The following AIG1 variants were observed in gnomAD, a reference collection of about 807,000 sequenced individuals.
The protein encoded by AIG1 is androgen-induced gene 1 protein.
A neutral mutation model predicts 31.4 loss-of-function variants in AIG1; 23 were observed. The observed-to-expected ratio is 0.73, with a 90% CI of 0.53 to 1.04. The LOEUF (loss-of-function observed/expected upper bound fraction) is 1.04, where lower values mean the gene tolerates loss of function less well. Among genes scored for constraint, AIG1 ranks in the 50% least tolerant of loss-of-function variants. The pLI is 0.00. For missense variants in AIG1, 274 were observed against 295.0 expected (o/e 0.93, Z 0.52); for synonymous variants, 100 against 110.5 (o/e 0.90, Z 0.60).
chr6:143,166,484 T>C (rs1196999140), intron 3 of AIG1, among the ~76,000 whole-genome samples: 1 of 152,216 alleles, frequency 6.6e-6, no homozygotes, highest in Non-Finnish European at 1.5e-5. Flanking sequence ...AAGAAGCCAT[T>C]CCTAACTCCC....
intron 3 of AIG1, among the ~76,000 whole-genome samples, chr6:143,235,453 A>G (rs1245835784): frequency 6.6e-6 from 1 of 152,094 alleles, no homozygotes; most frequent in Non-Finnish European, 1.5e-5. Flanking sequence ...GGAAATGTAC[A>G]TATCTACAGG....
At chr6:143,062,040 T>G (rs1010883813) in intron 1 of AIG1, among the ~76,000 whole-genome samples, 6 of 152,194 alleles carry the variant, frequency 3.9e-5, no homozygotes, top group Admixed American at 3.9e-4. Context: ...GAACTGTTTA[T>G]CCAAGACTAT....
At chr6:143,219,877 G>A (rs536692045) in intron 3 of AIG1, among the ~76,000 whole-genome samples, 26 of 152,300 alleles carry the variant, frequency 1.7e-4, no homozygotes, top group African/African-American at 6.3e-4. Context: ...AGACAGGGAA[G>A]CCATGACCTC....
chr6:143,260,387 G>T (rs1303397350), intron 3 of AIG1, among the ~76,000 whole-genome samples: 1 of 152,138 alleles, frequency 6.6e-6, no homozygotes, highest in Non-Finnish European at 1.5e-5. Flanking sequence ...ATATATTGTT[G>T]TGTTTGGTGT....
intron 1 of AIG1, among the ~76,000 whole-genome samples, chr6:143,106,907 C>T (rs1780852520): frequency 6.6e-6 from 1 of 151,976 alleles, no homozygotes; most frequent in African/African-American, 2.4e-5. Context: ...GGAAGGCTCT[C>T]TCTCGGGCCT....
chr6:143,140,875 A>T (rs1486882634), intron 2 of AIG1, among the ~76,000 whole-genome samples: 1 of 152,224 alleles, frequency 6.6e-6, no homozygotes, highest in African/African-American at 2.4e-5. Flanking sequence ...AGTACCAGAC[A>T]TCCTATAGCT....
chr6:143,264,142 GTTTAT>G (rs1795995650), intron 3 of AIG1, among the ~76,000 whole-genome samples: 1 of 152,124 alleles, frequency 6.6e-6, no homozygotes, highest in South Asian at 2.1e-4. Context: ...GATTATAACT[GTTTAT>G]TTTATTCGTA....
At chr6:143,215,124 A>G (rs1791926375) in intron 3 of AIG1, among the ~76,000 whole-genome samples, 1 of 151,800 alleles carries the variant, frequency 6.6e-6, no homozygotes, top group African/African-American at 2.4e-5. Context: ...TTGTTGAATT[A>G]ATGAATTGAT....
At position 143,331,836 on chromosome 6, in the gene AIG1, G is replaced by A. The variant is rs1777099256; in HGVS notation, c.516-1446G>A. Reference sequence around the variant, plus strand: ...TTCCTGCCAAAAATGAGGTACATGTGTAGGTAATGTTTATTATTATTATTA... The same window carrying A: ...TTCCTGCCAAAAATGAGGTACATGTATAGGTAATGTTTATTATTATTATTA... On this transcript the variant is annotated intron_variant, in intron 4 of 5. Coordinates refer to ENST00000357847, the MANE Select transcript of AIG1 (RefSeq NM_016108.4). The surrounding 1 kb of genome is among the most constrained non-coding windows in gnomAD (Gnocchi z 4.1). Among the ~76,000 whole-genome samples the A allele has an allele frequency of 7.0e-6, 1 of 142,666 alleles. No individual in the cohort carries two copies. The highest frequency in any genetic ancestry group is 1.5e-5 in the Non-Finnish European group (1 of 66,564). The allele number at this position is 142,666 out of a possible 152,430, so 93.6% of individuals were successfully genotyped here. A position where few individuals can be genotyped will look rare whatever the true frequency, so the allele number is the denominator to read the frequency against.
intron 3 of AIG1, among the ~76,000 whole-genome samples, chr6:143,245,319 T>A (rs1794544806): frequency 6.6e-6 from 1 of 152,216 alleles, no homozygotes; most frequent in Admixed American, 6.5e-5. Flanking sequence ...AATTTCTTTT[T>A]TAACAAATAC....
At chr6:143,149,514 G>T in intron 2 of AIG1, among the ~76,000 whole-genome samples, 1 of 123,688 alleles carries the variant, frequency 8.1e-6, no homozygotes, top group South Asian at 2.8e-4. Flanking sequence ...GGCTGGGAGA[G>T]AGAGTGAGAC....
chr6:143,065,073 G>A (rs1374079664), intron 1 of AIG1, among the ~76,000 whole-genome samples: 5 of 152,166 alleles, frequency 3.3e-5, no homozygotes, highest in Non-Finnish European at 5.9e-5. Flanking sequence ...TCACAAGGTC[G>A]GTTGATCAGT....
At chr6:143,198,183 T>C (rs1193186186) in intron 3 of AIG1, among the ~76,000 whole-genome samples, 12 of 152,354 alleles carry the variant, frequency 7.9e-5, no homozygotes, top group Admixed American at 2.0e-4. Context: ...CTATAATTGA[T>C]CTTCTATGAA....
rs569718484 is a variant in AIG1 at position 143,207,976 on chromosome 6, A to C, written c.399+42793A>C. 7.9e-5 allele frequency among the ~76,000 whole-genome samples: 12 copies of C among 152,302 alleles called. No homozygotes were observed. In the South Asian group the frequency reaches 1.7e-3, roughly 21 times the overall value. On this transcript the variant is annotated intron_variant, in intron 3 of 5. Transcript: ENST00000357847. ...TTCTAGGTGAGAGATTTTAGTGGCC[A>C]TTCTATGAAGAGATGAAAAGAGATA...
At chr6:143,323,951 A>G (rs1208849648) in intron 4 of AIG1, among the ~76,000 whole-genome samples, 4 of 152,244 alleles carry the variant, frequency 2.6e-5, no homozygotes, top group African/African-American at 9.6e-5. Context: ...ATTAGGTCTC[A>G]AGAGAGGGCC....
chr6:143,124,794 T>C (rs1344355006), intron 1 of AIG1, among the ~76,000 whole-genome samples: 1 of 152,080 alleles, frequency 6.6e-6, no homozygotes, highest in Non-Finnish European at 1.5e-5. Flanking sequence ...TGCCAGATGC[T>C]TATAAAACCA....
chr6:143,202,363 G>A (rs754306586), intron 3 of AIG1, among the ~76,000 whole-genome samples: 1 of 152,020 alleles, frequency 6.6e-6, no homozygotes, highest in African/African-American at 2.4e-5. Flanking sequence ...AAAAAAACAG[G>A]CAGATTCTTG....
At chr6:143,318,446 T>C (rs1775942074) in intron 4 of AIG1, among the ~76,000 whole-genome samples, 2 of 152,154 alleles carry the variant, frequency 1.3e-5, no homozygotes, top group Admixed American at 6.5e-5. Flanking sequence ...AGAATGAAAC[T>C]GGATCCTCAT....
At chr6:143,306,565 G>A (rs1423070859) in intron 4 of AIG1, among the ~76,000 whole-genome samples, 3 of 152,232 alleles carry the variant, frequency 2.0e-5, no homozygotes, top group African/African-American at 4.8e-5. Flanking sequence ...TCTGCTGAGA[G>A]ATCCACTGTT....
Sources: gnomAD v4.1 joint callset for allele counts (sites outside exome capture counted in the v4.1 genomes callset) on GRCh38, gnomAD v4.1.1 for gene constraint, Gnocchi (gnomAD v3.1) non-coding constraint, MANE v1.5 for transcripts, NCBI Gene and HGNC (gene_info 2026-07-23, HGNC 2026-07-21) for gene names.